UBXN2B: variants seen among roughly 807,000 people sequenced by gnomAD.
The protein encoded by UBXN2B is UBX domain protein 2B, also known as UBX domain-containing protein 2B.
A neutral mutation model predicts 37.5 loss-of-function variants in UBXN2B; 19 were observed. That is an observed-to-expected ratio of 0.51 (90% CI 0.35 to 0.74). UBXN2B has a LOEUF of 0.74. Among genes scored for constraint, UBXN2B ranks in the 30% least tolerant of loss-of-function variants. UBXN2B has a pLI of 0.01. For synonymous variants in UBXN2B, 145 were observed against 143.8 expected, an observed-to-expected ratio of 1.01 and a Z score of -0.06; for missense variants, 370 against 393.2, an observed-to-expected ratio of 0.94 and a Z score of 0.50.
intron 2 of UBXN2B, chr8:58,426,422 A>G: frequency 6.7e-6 from 4 of 592,654 alleles, no homozygotes; most frequent in South Asian, 6.6e-5. Context: ...GTTAGCCAGG[A>G]TGGTCTCAAT....
intron 4 of UBXN2B, 89 bp downstream of exon 4, chr8:58,433,332 AATATATTT>A: frequency 9.1e-7 from 1 of 1,097,942 alleles, no homozygotes; most frequent in Non-Finnish European, 1.3e-6. Flanking sequence ...TGATAATACA[AATATATTT>A]TTGTTACTTT....
chr8:58,422,324 G>C (rs1585598651), intron 2 of UBXN2B, among the ~76,000 whole-genome samples: 1 of 152,356 alleles, frequency 6.6e-6, no homozygotes, highest in East Asian at 1.9e-4. Context: ...GAGACTGAGA[G>C]ACCTCAGAAA....
chr8:58,422,762 C>A (rs1807961017), intron 2 of UBXN2B, among the ~76,000 whole-genome samples: 1 of 152,176 alleles, frequency 6.6e-6, no homozygotes, highest in Non-Finnish European at 1.5e-5. Context: ...GATCAGTTTC[C>A]CCAAGTGCTG....
chr8:58,429,056 A>G (rs1046822443), intron 2 of UBXN2B, among the ~76,000 whole-genome samples: 3 of 152,226 alleles, frequency 2.0e-5, no homozygotes, highest in Non-Finnish European at 4.4e-5. Context: ...AAAGATTTCA[A>G]ATAATAAAAA....
intron 7 of UBXN2B, among the ~76,000 whole-genome samples, chr8:58,447,137 C>A (rs879560674): frequency 1.3e-5 from 2 of 152,068 alleles, no homozygotes; most frequent in African/African-American, 4.8e-5. Flanking sequence ...AGTACACTTA[C>A]TTTATTCATA....
chr8:58,450,270 T>G lies in UBXN2B; in HGVS notation c.*2719T>G, dbSNP rs189925810. ...TCCCTCAATCTACCTCTTTCCACAT[T>G]TTACTATAATCAGCAAGAAGACAGC... On this transcript the variant is annotated 3_prime_UTR_variant, in exon 8 of 8. Transcript: ENST00000399598. 3.2e-4 allele frequency: 48 copies of G among 152,302 alleles called. No individual in the cohort carries two copies. Among genetic ancestry groups the G allele is most frequent in the Non-Finnish European group, 4.9e-4 (33 of 68,024 alleles). The allele number at this position is 152,302 out of a possible 1,614,324, so 9.4% of individuals were successfully genotyped here.
At chr8:58,416,730 C>CT in intron 1 of UBXN2B, 120 bp from the exon 2 acceptor site, 1 of 740,156 alleles carries the variant, frequency 1.4e-6, no homozygotes, top group Non-Finnish European at 2.0e-6. Flanking sequence ...GAAGCAGCAG[C>CT]TTTTTTCATG....
intron 2 of UBXN2B, among the ~76,000 whole-genome samples, chr8:58,430,309 C>A (rs939827075): frequency 2.0e-5 from 3 of 152,200 alleles, no homozygotes; most frequent in African/African-American, 7.2e-5. Flanking sequence ...CCCTTAGAAT[C>A]AATCTTTGCA....
At chr8:58,433,631 A>AC (rs1354693089) in intron 4 of UBXN2B, among the ~76,000 whole-genome samples, 1 of 148,768 alleles carries the variant, frequency 6.7e-6, no homozygotes, top group East Asian at 2.0e-4. Flanking sequence ...AAAAAAAAAA[A>AC]GGTGTTTAAA....
Position 58,416,823 on chromosome 8 carries a change from C to G in UBXN2B, c.85-27C>G, listed in dbSNP as rs781193565. On this transcript the variant is annotated intron_variant, in intron 1 of 7. Coordinates refer to ENST00000399598, the MANE Select transcript of UBXN2B (RefSeq NM_001077619.2). ...GGAAGAGGTTATTCCTAGTGTTATA[C>G]TTTGTAACAAGCCTGTTATTATGTA... is the stretch of plus-strand genomic sequence containing the variant. 8 of 1,596,590 alleles carry G rather than the reference C, an allele frequency of 5.0e-6. No homozygotes were observed. In the South Asian group the frequency reaches 8.9e-5, roughly 18 times the overall value.
chr8:58,430,692 A>T (rs1808249536), intron 3 of UBXN2B, 23 bp downstream of exon 3: 2 of 1,409,330 alleles, frequency 1.4e-6, no homozygotes, highest in Non-Finnish European at 1.9e-6. Context: ...TTTTAAACTA[A>T]ATACATTGTT....
chr8:58,423,444 T>TTG (rs1807984690), intron 2 of UBXN2B, among the ~76,000 whole-genome samples: 2 of 150,034 alleles, frequency 1.3e-5, no homozygotes, highest in Non-Finnish European at 3.0e-5. Context: ...TGTTGTTGTT[T>TTG]TTTTTTTTTG....
chr8:58,424,661 G>T, intron 2 of UBXN2B: 1 of 1,095,878 alleles, frequency 9.1e-7, no homozygotes, highest in Non-Finnish European at 1.3e-6. Context: ...TCTCATTTCT[G>T]CACAGCGTGG....
Position 58,447,597 on chromosome 8 carries a change from C to A in UBXN2B, c.*46C>A. 1 of 1,500,512 alleles carries A rather than the reference C, an allele frequency of 6.7e-7. No individual in the cohort carries two copies. Among genetic ancestry groups the A allele is most frequent in the South Asian group, 1.4e-5 (1 of 72,022 alleles). The allele number at this position is 1,500,512 out of a possible 1,614,324, so 92.9% of individuals were successfully genotyped here. On this transcript the variant is annotated 3_prime_UTR_variant, in exon 8 of 8. Coordinates refer to ENST00000399598, the MANE Select transcript of UBXN2B (RefSeq NM_001077619.2). ...TAGCATGTGGGAATAGATGATGTGC[C>A]GTATTAATAAGGACAATACTTCAGC... is the stretch of plus-strand genomic sequence containing the variant.
At position 58,434,601 on chromosome 8, in the gene UBXN2B, T is replaced by C. The variant is rs2288313; in HGVS notation, c.533+97T>C. 2.5e-3 allele frequency: 2,501 copies of C among 1,003,260 alleles called. 73 individuals are homozygous for C. In the East Asian group the frequency reaches 0.06, roughly 24 times the overall value. The allele number at this position is 1,003,260 out of a possible 1,614,324, so 62.1% of individuals were successfully genotyped here. On this transcript the variant is annotated intron_variant, in intron 5 of 7. Transcript: ENST00000399598. ...TAGTGCACTACGGGTTTTCAAGAAG[T>C]AGTTCCTGGAATATATTAAATAAAT...
intron 2 of UBXN2B, among the ~76,000 whole-genome samples, chr8:58,420,231 C>G (rs1407582362): frequency 6.6e-6 from 1 of 152,140 alleles, no homozygotes; most frequent in African/African-American, 2.4e-5. Flanking sequence ...CACTTTTACT[C>G]TGATAATACA....
chr8:58,441,300 C>G (rs1448932531), intron 6 of UBXN2B, among the ~76,000 whole-genome samples: 1 of 144,758 alleles, frequency 6.9e-6, no homozygotes, highest in Non-Finnish European at 1.5e-5. Context: ...GGCCAGGCTT[C>G]TCTCAAATTG....
chr8:58,425,806 A>G lies in UBXN2B; in HGVS notation c.189-4713A>G, dbSNP rs1055724729. The G allele has an allele frequency of 1.0e-5, 12 of 1,168,546 alleles. No individual in the cohort carries two copies. In the Admixed American group the frequency reaches 1.9e-4, roughly 18 times the overall value. 72.4% of individuals were successfully genotyped at this position (1,168,546 alleles called of 1,614,324 possible). A position where few individuals can be genotyped will look rare whatever the true frequency, so the allele number is the denominator to read the frequency against. ...GTTCCACAAGATCTGTCAAAGAATC[A>G]TACCGTTCTCCTCCACCAACATCGT... On this transcript the variant is annotated intron_variant, in intron 2 of 7. Transcript: ENST00000399598.
intron 2 of UBXN2B, among the ~76,000 whole-genome samples, 177 bp downstream of exon 2, chr8:58,417,130 A>G (rs1251386908): frequency 6.6e-6 from 1 of 152,188 alleles, no homozygotes; most frequent in African/African-American, 2.4e-5. Context: ...TCATTTAGGT[A>G]CTATTAAAAC....
Sources: allele counts gnomAD v4.1 joint callset (sites outside exome capture counted in the v4.1 genomes callset), GRCh38; gene constraint gnomAD v4.1.1; transcripts MANE v1.5; gene names NCBI Gene and HGNC (gene_info 2026-07-23, HGNC 2026-07-21).